The following PHF14 variants were observed in gnomAD, a reference collection of about 807,000 sequenced individuals.
PHF14 encodes the protein PHD finger protein 14.
PHF14 carries 55 observed loss-of-function variants against 117.9 expected under a neutral mutation model. That is an observed-to-expected ratio of 0.47 (90% confidence interval 0.38 to 0.58). The LOEUF (loss-of-function observed/expected upper bound fraction) is 0.58. PHF14 is among the 20% of genes least tolerant of loss of function. PHF14 has a pLI of 0.00. For missense variants in PHF14, 978 were observed against 1,122.2 expected (o/e 0.87, Z 1.84); for synonymous variants, 409 against 368.6 (o/e 1.11, Z -1.26).
Position 10,974,180 on chromosome 7 carries a change from G to A in PHF14, c.-144G>A, listed in dbSNP as rs569483129. ...GGACCGCGGGGCTACTCTTGGGAGC[G>A]CCCCTGTCCGGCTGGCTGCGCGCCG... On this transcript the variant is annotated 5_prime_UTR_variant, in exon 1 of 18. Coordinates refer to ENST00000634607, the MANE Select transcript of PHF14 (RefSeq NM_001007157.2). 2,346 of 710,376 alleles carry A rather than the reference G, an allele frequency of 3.3e-3. 7 individuals are homozygous for A. The highest frequency in any genetic ancestry group is 5.7e-3 in the Admixed American group (268 of 47,136). The allele number at this position is 710,376 out of a possible 1,614,324, so 44.0% of individuals were successfully genotyped here. A position where few individuals can be genotyped will look rare whatever the true frequency, so the allele number is the denominator to read the frequency against.
chr7:11,120,902 T>G (rs1787732580), intron 17 of PHF14, among the ~76,000 whole-genome samples: 1 of 152,146 alleles, frequency 6.6e-6, no homozygotes, highest in South Asian at 2.1e-4. Flanking sequence ...TGACGACATA[T>G]TTTAGTAACA....
At chr7:11,113,880 A>G (rs546535509) in intron 17 of PHF14, among the ~76,000 whole-genome samples, 3 of 152,188 alleles carry the variant, frequency 2.0e-5, no homozygotes, top group Non-Finnish European at 2.9e-5. Context: ...CGGAAGCTGT[A>G]TATTATTAAC....
At chr7:11,134,327 G>A (rs1788160360) in intron 17 of PHF14, among the ~76,000 whole-genome samples, 1 of 151,838 alleles carries the variant, frequency 6.6e-6, no homozygotes, top group Non-Finnish European at 1.5e-5. Flanking sequence ...GAATTTAATA[G>A]CTAATATGGA....
intron 6 of PHF14, 46 bp downstream of exon 6, chr7:11,023,025 C>G (rs778419793): frequency 5.7e-6 from 6 of 1,048,292 alleles, no homozygotes; most frequent in African/African-American, 3.2e-5. Flanking sequence ...AAAGGTTTTA[C>G]TTGTTAGTTT....
At chr7:11,045,905 A>G (rs1406403191) in intron 13 of PHF14, among the ~76,000 whole-genome samples, 1 of 152,198 alleles carries the variant, frequency 6.6e-6, no homozygotes, top group Non-Finnish European at 1.5e-5. Flanking sequence ...GCTGTGTAGC[A>G]AGAATGTTTA....
At chr7:10,986,449 G>C (rs1019827091) in intron 3 of PHF14, among the ~76,000 whole-genome samples, 2 of 152,120 alleles carry the variant, frequency 1.3e-5, no homozygotes, top group African/African-American at 2.4e-5. Context: ...GAGAAAGAGT[G>C]AAAAAGAGAA....
At chr7:11,004,565 T>C (rs1783013418) in intron 4 of PHF14, among the ~76,000 whole-genome samples, 1 of 152,150 alleles carries the variant, frequency 6.6e-6, no homozygotes, top group African/African-American at 2.4e-5. Context: ...TTCTGCCATT[T>C]TGTGGTGTTC....
At chr7:11,147,553 G>C (rs1788583627) in intron 17 of PHF14, among the ~76,000 whole-genome samples, 1 of 152,188 alleles carries the variant, frequency 6.6e-6, no homozygotes, top group South Asian at 2.1e-4. Context: ...GCCGCTGTCT[G>C]AATCTTACTT....
intron 16 of PHF14, among the ~76,000 whole-genome samples, chr7:11,084,592 A>T: frequency 6.6e-6 from 1 of 151,950 alleles, no homozygotes; most frequent in Middle Eastern, 3.4e-3. Context: ...TATAATTTGG[A>T]TGTATCATAA....
intron 17 of PHF14, among the ~76,000 whole-genome samples, chr7:11,162,125 G>A (rs965775939): frequency 6.9e-5 from 7 of 101,846 alleles, no homozygotes; most frequent in African/African-American, 2.5e-4. Context: ...GCCTTGCTCT[G>A]TCTCCCAGGC....
chr7:11,167,874 A>G (rs796483108), intron 17 of PHF14, among the ~76,000 whole-genome samples: 36 of 152,148 alleles, frequency 2.4e-4, no homozygotes, highest in African/African-American at 8.4e-4. Flanking sequence ...CTAAAAATAC[A>G]AAAAATTAGC....
intron 7 of PHF14, among the ~76,000 whole-genome samples, chr7:11,029,279 C>T (rs1388829737): frequency 6.6e-6 from 1 of 152,032 alleles, no homozygotes; most frequent in Non-Finnish European, 1.5e-5. Flanking sequence ...ATTGGCTTTA[C>T]GTTAAAAAAT....
At chr7:11,166,522 C>G (rs1021766185) in intron 17 of PHF14, among the ~76,000 whole-genome samples, 1 of 152,142 alleles carries the variant, frequency 6.6e-6, no homozygotes, top group Non-Finnish European at 1.5e-5. Flanking sequence ...TAAATTCTTA[C>G]AAAAATTGAC....
chr7:11,088,826 T>C (rs889329038), intron 16 of PHF14, among the ~76,000 whole-genome samples: 3 of 152,160 alleles, frequency 2.0e-5, no homozygotes, highest in Non-Finnish European at 4.4e-5. Context: ...TAAAAAATTA[T>C]GTATCTCCTA....
At chr7:11,142,904 G>A (rs932978732) in intron 17 of PHF14, among the ~76,000 whole-genome samples, 15 of 152,034 alleles carry the variant, frequency 9.9e-5, no homozygotes, top group African/African-American at 3.4e-4. Flanking sequence ...CAACCTCTCA[G>A]TTTAAAAAAT....
At chr7:11,010,945 C>T (rs1342982450) in intron 4 of PHF14, among the ~76,000 whole-genome samples, 2 of 152,184 alleles carry the variant, frequency 1.3e-5, no homozygotes, top group South Asian at 2.1e-4. Flanking sequence ...ATGAACTACA[C>T]GCCTTGGCTG....
At chr7:10,994,187 C>G (rs2128311203) in intron 4 of PHF14, among the ~76,000 whole-genome samples, 1 of 152,184 alleles carries the variant, frequency 6.6e-6, no homozygotes, top group African/African-American at 2.4e-5. Flanking sequence ...GCCTGTAATC[C>G]CAGCACTTTG....
At chr7:11,006,789 C>T (rs1291102925) in intron 4 of PHF14, 5 of 806,896 alleles carry the variant, frequency 6.2e-6, no homozygotes, top group East Asian at 2.8e-5. Context: ...CCTTTCAACA[C>T]TGCCTTCTTG....
intron 8 of PHF14, 121 bp from the exon 9 acceptor site, chr7:11,036,297 C>G: frequency 2.4e-6 from 2 of 838,638 alleles, no homozygotes. Flanking sequence ...CTATAATTTG[C>G]TTTGGTGTGA....
Sources: allele counts gnomAD v4.1 joint callset (sites outside exome capture counted in the v4.1 genomes callset), GRCh38; gene constraint gnomAD v4.1.1; transcripts MANE v1.5; gene names NCBI Gene and HGNC (gene_info 2026-07-23, HGNC 2026-07-21).